The following ANKRD10 variants were observed in gnomAD, a reference collection of about 807,000 sequenced individuals.
ANKRD10 encodes ankyrin repeat domain 10.
Under a neutral mutation model 27.0 loss-of-function variants are expected in ANKRD10, and 14 were observed. The observed-to-expected ratio is 0.52, with a 90% CI of 0.34 to 0.81. The LOEUF is 0.81. Ranked by LOEUF, ANKRD10 falls within the 40% of genes least tolerant of loss-of-function variation. The pLI is 0.01. For synonymous variants in ANKRD10, 250 were observed against 224.5 expected, an observed-to-expected ratio of 1.11 and a Z score of -1.01; for missense variants, 493 against 544.0, an observed-to-expected ratio of 0.91 and a Z score of 0.93.
At chr13:110,905,183 A>G (rs2065495357) in intron 3 of ANKRD10, 1 of 152,250 alleles carries the variant, frequency 6.6e-6, no homozygotes, top group Non-Finnish European at 1.5e-5. Flanking sequence ...TCTATAGCTT[A>G]CACTCAACAT....
chr13:110,893,322 CCTG>C, intron 3 of ANKRD10, 59 bp from the exon 4 acceptor site: 1 of 1,522,318 alleles, frequency 6.6e-7, no homozygotes, highest in Non-Finnish European at 9.0e-7. Flanking sequence ...GGTCTCTGCT[CCTG>C]CTGAACTGAC....
intron 5 of ANKRD10, among the ~76,000 whole-genome samples, chr13:110,882,385 A>G (rs2064837349): frequency 2.0e-5 from 3 of 152,222 alleles, no homozygotes; most frequent in Non-Finnish European, 4.4e-5. Flanking sequence ...AGCCTCGAGT[A>G]ATCTCTAGTG....
intron 4 of ANKRD10, among the ~76,000 whole-genome samples, chr13:110,892,022 T>TTA (rs2065088125): frequency 6.6e-6 from 1 of 151,422 alleles, no homozygotes; most frequent in African/African-American, 2.4e-5. Context: ...CTAAGACATC[T>TTA]TATATATAGA....
chr13:110,899,723 G>C lies in ANKRD10; in HGVS notation c.455+6310C>G, dbSNP rs1452691209. Among the ~76,000 whole-genome samples the C allele has an allele frequency of 6.6e-5, 10 of 151,902 alleles. No homozygotes were observed. The East Asian group carries it at 1.2e-3, about 18-fold the overall frequency. On this transcript the variant is annotated intron_variant, in intron 3 of 5. Transcript: ENST00000267339. ...GACTACGAAAAGCAATCACTGAGCA[G>C]GCCACCCATTTTCTCTCTACTATTC...
chr13:110,910,848 C>T, intron 1 of ANKRD10, 78 bp from the exon 2 acceptor site: 1 of 1,395,556 alleles, frequency 7.2e-7, no homozygotes, highest in Non-Finnish European at 9.6e-7. Context: ...AATCGAAATT[C>T]TATAATGGTG....
intron 3 of ANKRD10, among the ~76,000 whole-genome samples, chr13:110,896,036 G>C (rs980971866): frequency 1.3e-5 from 2 of 152,190 alleles, no homozygotes; most frequent in African/African-American, 4.8e-5. Flanking sequence ...GTACTCGTAC[G>C]TAAGGACCAA....
chr13:110,879,570 C>CT lies in ANKRD10; in HGVS notation c.*66dup. ...GTTGTGACATTCGTTCAAGTTGCTGCTACATGGGTATTCTGAGCTGGCTAC... is the reference window on the plus strand; with the variant it reads ...GTTGTGACATTCGTTCAAGTTGCTGCTTACATGGGTATTCTGAGCTGGCTAC... On this transcript the variant is annotated 3_prime_UTR_variant, in exon 6 of 6. Transcript: ENST00000267339. 8.1e-7 allele frequency: 1 copy of CT among 1,228,068 alleles called. No homozygotes were observed. Among genetic ancestry groups the CT allele is most frequent in the Non-Finnish European group, 1.2e-6 (1 of 857,836 alleles). The allele number at this position is 1,228,068 out of a possible 1,614,324, so 76.1% of individuals were successfully genotyped here.
chr13:110,889,697 A>C (rs1252178082), intron 4 of ANKRD10, among the ~76,000 whole-genome samples: 2 of 152,170 alleles, frequency 1.3e-5, no homozygotes, highest in African/African-American at 4.8e-5. Context: ...AGGATTCCAA[A>C]GTGTTTTGGC....
intron 5 of ANKRD10, among the ~76,000 whole-genome samples, chr13:110,881,891 A>AC (rs1207981876): frequency 6.6e-6 from 1 of 152,208 alleles, no homozygotes; most frequent in Non-Finnish European, 1.5e-5. Context: ...AACAGTGGGC[A>AC]CCTCAGACCT....
At chr13:110,904,543 C>T (rs908372219) in intron 3 of ANKRD10, among the ~76,000 whole-genome samples, 7 of 152,052 alleles carry the variant, frequency 4.6e-5, no homozygotes, top group African/African-American at 1.7e-4. Flanking sequence ...TCTAATTATC[C>T]ACTGTTTGAA....
At chr13:110,891,482 A>T (rs1218513569) in intron 4 of ANKRD10, among the ~76,000 whole-genome samples, 2 of 152,226 alleles carry the variant, frequency 1.3e-5, no homozygotes, top group African/African-American at 4.8e-5. Flanking sequence ...AAAACTGTTA[A>T]GTTCATACAT....
chr13:110,889,504 A>G (rs2065020595), intron 4 of ANKRD10, among the ~76,000 whole-genome samples: 1 of 146,418 alleles, frequency 6.8e-6, no homozygotes, highest in Non-Finnish European at 1.5e-5. Context: ...TTCTTGTAGC[A>G]TAACTTCCTT....
intron 1 of ANKRD10, among the ~76,000 whole-genome samples, chr13:110,913,553 G>A (rs2138906487): frequency 6.6e-6 from 1 of 152,296 alleles, no homozygotes; most frequent in South Asian, 2.1e-4. Flanking sequence ...AAAGAAAAGT[G>A]ACTTTTCCAC....
chr13:110,906,566 C>G (rs2065543200), intron 2 of ANKRD10, among the ~76,000 whole-genome samples: 1 of 152,132 alleles, frequency 6.6e-6, no homozygotes, highest in East Asian at 1.9e-4. Context: ...CTGTGCCTAC[C>G]CCAATGCTAA....
chr13:110,893,234 G>T lies in ANKRD10; in HGVS notation c.485C>A (p.Ala162Glu). ...GAAACCCTGGGTTTGTGCAATGTCT[G>T]CTGCTGTCAGGCCACTGGCATTTCT... ...DLRNASGLTA[A>E]DIAQTQGFQE... Residue 162 changes from alanine to glutamate, a missense_variant, in exon 4 of 6, where the codon GCA becomes GAA. Transcript: ENST00000267339. 2.5e-6 allele frequency: 4 copies of T among 1,614,166 alleles called. No homozygotes were observed. The highest frequency in any genetic ancestry group is 3.4e-6 in the Non-Finnish European group (4 of 1,180,012).
intron 3 of ANKRD10, among the ~76,000 whole-genome samples, chr13:110,901,482 G>A (rs368223312): frequency 6.6e-6 from 1 of 152,178 alleles, no homozygotes; most frequent in Non-Finnish European, 1.5e-5. Context: ...AAGACATTTG[G>A]ATTTAGCAAA....
intron 1 of ANKRD10, among the ~76,000 whole-genome samples, chr13:110,911,126 C>G (rs1194120217): frequency 2.6e-5 from 4 of 152,174 alleles, no homozygotes; most frequent in Admixed American, 6.5e-5. Flanking sequence ...CTATTCTAAA[C>G]AAAAACGTTA....
At chr13:110,892,620 T>C in intron 4 of ANKRD10, 1 of 604,178 alleles carries the variant, frequency 1.7e-6, no homozygotes, top group Non-Finnish European at 2.1e-6. Context: ...GAAAATGTTT[T>C]ACTGCCAGAC....
chr13:110,913,803 T>C (rs1232751774), intron 1 of ANKRD10, among the ~76,000 whole-genome samples: 2 of 152,176 alleles, frequency 1.3e-5, no homozygotes, highest in Non-Finnish European at 2.9e-5. Flanking sequence ...TTAAGAAATA[T>C]TAATTAAAAC....
Sources: allele counts gnomAD v4.1 joint callset (sites outside exome capture counted in the v4.1 genomes callset), GRCh38; gene constraint gnomAD v4.1.1; transcripts MANE v1.5; gene names NCBI Gene and HGNC (gene_info 2026-07-23, HGNC 2026-07-21).